The following TRAF3 variants were observed in gnomAD, a reference collection of about 807,000 sequenced individuals.
TRAF3 encodes the protein TNF receptor associated factor 3.
TRAF3 carries 13 observed loss-of-function variants against 62.3 expected under a neutral mutation model. The ratio of observed to expected loss-of-function variants is 0.21; its 90% CI spans 0.14 to 0.33. The LOEUF (loss-of-function observed/expected upper bound fraction) is 0.33, where lower values mean the gene tolerates loss of function less well. Among genes scored for constraint, TRAF3 ranks in the 10% least tolerant of loss-of-function variants. TRAF3 has a pLI of 1.00. For missense variants in TRAF3, 440 were observed against 741.8 expected, an observed-to-expected ratio of 0.59 and a Z score of 4.73; for synonymous variants, 269 against 283.4, an observed-to-expected ratio of 0.95 and a Z score of 0.51.
intron 2 of TRAF3, among the ~76,000 whole-genome samples, chr14:102,840,197 C>A (rs1886294540): frequency 6.6e-6 from 1 of 151,142 alleles, no homozygotes; most frequent in Non-Finnish European, 1.5e-5. Flanking sequence ...AAATTTGATG[C>A]AAAAAAAATC....
intron 2 of TRAF3, among the ~76,000 whole-genome samples, chr14:102,867,584 G>T (rs1453793207): frequency 1.3e-5 from 2 of 152,124 alleles, no homozygotes; most frequent in East Asian, 3.9e-4. Context: ...TGGCCTGGCT[G>T]GGTGGGCCTA....
chr14:102,822,057 C>A (rs1323267888), intron 1 of TRAF3, among the ~76,000 whole-genome samples: 1 of 151,960 alleles, frequency 6.6e-6, no homozygotes, highest in African/African-American at 2.4e-5. Flanking sequence ...AAATAAAATA[C>A]AATAAAATAA....
In TRAF3 at chr14:102,905,553, G is replaced by A; in HGVS notation, c.1476G>A (p.Gln492=). The part of the protein sequence containing the change: ...YDALLPWPFK[Q]KVTLMLMDQG... ...CCCTGCTTCCTTGGCCGTTTAAGCA[G>A]AAAGTGACACTCATGCTGATGGATC... The change falls in exon 12 of 12, where the codon CAG becomes CAA. Residue 492 remains glutamine (Q), a synonymous_variant. Transcript: ENST00000392745. 1 of 1,614,218 alleles carries A rather than the reference G, an allele frequency of 6.2e-7. No homozygotes were observed. Among genetic ancestry groups the A allele is most frequent in the Non-Finnish European group, 8.5e-7 (1 of 1,180,048 alleles).
chr14:102,879,672 A>G (rs1467122854), intron 6 of TRAF3, among the ~76,000 whole-genome samples: 1 of 151,470 alleles, frequency 6.6e-6, no homozygotes. Context: ...TGCCATTAAA[A>G]GTAATGGCAA....
At chr14:102,799,210 T>A (rs1304385937) in intron 1 of TRAF3, among the ~76,000 whole-genome samples, 1 of 152,068 alleles carries the variant, frequency 6.6e-6, no homozygotes, top group African/African-American at 2.4e-5. Context: ...CTCAGAGTCT[T>A]TCTCATGATG....
intron 2 of TRAF3, among the ~76,000 whole-genome samples, chr14:102,863,852 C>T (rs758662051): frequency 1.3e-5 from 2 of 152,152 alleles, no homozygotes; most frequent in Non-Finnish European, 2.9e-5. Context: ...GCCCTTTGAG[C>T]CAGTCTTCCA....
At chr14:102,791,460 A>C (rs1468719366) in intron 1 of TRAF3, among the ~76,000 whole-genome samples, 1 of 152,146 alleles carries the variant, frequency 6.6e-6, no homozygotes, top group African/African-American at 2.4e-5. Flanking sequence ...ATTGTAAATG[A>C]AATTATTTTC....
intron 2 of TRAF3, among the ~76,000 whole-genome samples, chr14:102,843,574 G>A (rs1273937444): frequency 6.6e-6 from 1 of 152,196 alleles, no homozygotes; most frequent in Admixed American, 6.5e-5. Context: ...CTGATTTCAA[G>A]CAATCCACCC....
At chr14:102,871,667 T>C (rs1303514339) in intron 3 of TRAF3, among the ~76,000 whole-genome samples, 1 of 152,258 alleles carries the variant, frequency 6.6e-6, no homozygotes, top group African/African-American at 2.4e-5. Flanking sequence ...TGGAAGGGGC[T>C]TTCCAAGTGG....
chr14:102,885,000 G>A (rs1028270890), intron 6 of TRAF3, among the ~76,000 whole-genome samples: 42 of 152,178 alleles, frequency 2.8e-4, no homozygotes, highest in African/African-American at 9.9e-4. Flanking sequence ...GTTGAAAGTC[G>A]AACACAGAAA....
Position 102,883,828 on chromosome 14 carries a change from C to T in TRAF3, c.571-2361C>T, listed in dbSNP as rs116975470. Among the ~76,000 whole-genome samples, 714 of 152,222 alleles carry T rather than the reference C, an allele frequency of 4.7e-3. 3 individuals are homozygous for T. Among genetic ancestry groups the T allele is most frequent in the Non-Finnish European group, 8.2e-3 (556 of 67,998 alleles). On this transcript the variant is annotated intron_variant, in intron 6 of 11. Coordinates refer to ENST00000392745, the MANE Select transcript of TRAF3 (RefSeq NM_145725.3). ...TTCAAACTCCTGCCCCCAGGTAATC[C>T]GCCTGTCTCGGCCTCCCAAAGTGCT...
rs1023342404 is a variant in TRAF3 at position 102,875,945 on chromosome 14, C to T, written c.402+217C>T. Among the ~76,000 whole-genome samples the T allele has an allele frequency of 2.0e-5, 3 of 151,492 alleles. No homozygotes were observed. The South Asian group carries it at 6.3e-4, about 32-fold the overall frequency. On this transcript the variant is annotated intron_variant, in intron 5 of 11. Transcript: ENST00000392745. ...AATTGTCAACTGGTTTTTAAACACT[C>T]CCCCCCCTACTTAGAATAGAGAAAA...
chr14:102,862,867 C>T (rs975240576), intron 2 of TRAF3, among the ~76,000 whole-genome samples: 2 of 152,058 alleles, frequency 1.3e-5, no homozygotes, highest in African/African-American at 2.4e-5. Context: ...ATTCTTACTG[C>T]TGTTTATTTC....
intron 8 of TRAF3, among the ~76,000 whole-genome samples, chr14:102,891,037 TAAG>T (rs1189745174): frequency 6.6e-6 from 1 of 152,226 alleles, no homozygotes; most frequent in Non-Finnish European, 1.5e-5. Context: ...CAACCCTTGA[TAAG>T]AAGCCACTTG....
chr14:102,823,619 A>G (rs1462770378), intron 1 of TRAF3, among the ~76,000 whole-genome samples: 1 of 152,192 alleles, frequency 6.6e-6, no homozygotes, highest in Non-Finnish European at 1.5e-5. Flanking sequence ...GCATAGTGGA[A>G]ACTTGCAGTA....
At chr14:102,895,680 A>C (rs4906269) in intron 9 of TRAF3, among the ~76,000 whole-genome samples, 38,637 of 152,142 alleles carry the variant, frequency 0.25, 5,752 homozygotes, top group African/African-American at 0.39. Flanking sequence ...CCTTTGTAAA[A>C]ATCTTGTGAG....
Position 102,905,966 on chromosome 14 carries a change from A to G in TRAF3, c.*182A>G, listed in dbSNP as rs1890568242. On this transcript the variant is annotated 3_prime_UTR_variant, in exon 12 of 12. Coordinates refer to ENST00000392745, the MANE Select transcript of TRAF3 (RefSeq NM_145725.3). ...GCACACCTGACACGTTTTATAATAG[A>G]CTAGCCACACTTCACTCTGAAGAAT... 14 of 544,236 alleles carry G rather than the reference A, an allele frequency of 2.6e-5. No individual in the cohort carries two copies. The highest frequency in any genetic ancestry group is 9.7e-6 in the Non-Finnish European group (3 of 308,620). 33.7% of individuals were successfully genotyped at this position (544,236 alleles called of 1,614,324 possible). A position where few individuals can be genotyped will look rare whatever the true frequency, so the allele number is the denominator to read the frequency against.
intron 10 of TRAF3, among the ~76,000 whole-genome samples, chr14:102,901,157 G>A (rs563945972): frequency 7.9e-5 from 12 of 152,310 alleles, no homozygotes; most frequent in African/African-American, 2.6e-4. Context: ...TGACTCGGGG[G>A]CCCCTGCTGT....
In TRAF3 at chr14:102,820,614, A is replaced by ATTT. The variant is rs57149106; in HGVS notation, c.-156-9691_-156-9689dup. The stretch of plus-strand genomic sequence containing the variant: ...TATATATATATATATATATATATAT[A>ATTT]TTTTTTTTTTTTTTTTTTTTTTTTT... On this transcript the variant is annotated intron_variant, in intron 1 of 11. Coordinates refer to ENST00000392745, the MANE Select transcript of TRAF3 (RefSeq NM_145725.3). Among the ~76,000 whole-genome samples the ATTT allele has an allele frequency of 2.2e-4, 4 of 17,914 alleles. No homozygotes were observed. In the African/African-American group the frequency reaches 2.4e-3, roughly 11 times the overall value. 11.8% of individuals were successfully genotyped at this position (17,914 alleles called of 152,430 possible).
Sources: gnomAD v4.1 joint callset for allele counts (sites outside exome capture counted in the v4.1 genomes callset) on GRCh38, gnomAD v4.1.1 for gene constraint, MANE v1.5 for transcripts, NCBI Gene and HGNC (gene_info 2026-07-23, HGNC 2026-07-21) for gene names.